Variants in KRAS observed in about 807,000 individuals in gnomAD.
The protein encoded by KRAS is GTPase KRas.
In KRAS, 1 loss-of-function variant was observed where a neutral mutation model predicts 21.0. That is an observed-to-expected ratio of 0.05 (90% CI 0.02 to 0.23). The LOEUF (loss-of-function observed/expected upper bound fraction) is 0.23, where lower values mean the gene tolerates loss of function less well. KRAS is among the 10% of genes least tolerant of loss of function. The pLI is 1.00. For missense variants in KRAS, 107 were observed against 221.8 expected (o/e 0.48, Z 3.29); for synonymous variants, 67 against 72.5 (o/e 0.92, Z 0.39).
At position 25,232,457 on chromosome 12, in the gene KRAS, A is replaced by C. The variant is rs191870784; in HGVS notation, c.112-5045T>G. The stretch of plus-strand genomic sequence containing the variant: ...TTTATTCTCTTTATATATTTTTTTA[A>C]ATTTACCACTCTGAGAAAGTACTGG... On this transcript the variant is annotated intron_variant, in intron 2 of 4. Transcript: ENST00000311936. Among the ~76,000 whole-genome samples the C allele has an allele frequency of 1.6e-3, 236 of 152,250 alleles. 1 individual carries two copies. Among genetic ancestry groups the C allele is most frequent in the African/African-American group, 5.1e-3 (210 of 41,554 alleles).
intron 4 of KRAS, among the ~76,000 whole-genome samples, chr12:25,220,442 A>G (rs1028850294): frequency 6.6e-6 from 1 of 152,250 alleles, no homozygotes; most frequent in Non-Finnish European, 1.5e-5. Context: ...TATCTTAAAA[A>G]GTACAGCTGG....
At chr12:25,220,261 C>T (rs1382957498) in intron 4 of KRAS, among the ~76,000 whole-genome samples, 2 of 152,176 alleles carry the variant, frequency 1.3e-5, no homozygotes, top group Non-Finnish European at 2.9e-5. Context: ...TCCTTATACA[C>T]TAGGAACATA....
intron 2 of KRAS, among the ~76,000 whole-genome samples, chr12:25,239,057 T>C (rs1020491169): frequency 1.3e-5 from 2 of 152,250 alleles, no homozygotes; most frequent in Non-Finnish European, 2.9e-5. Flanking sequence ...CTAGCAGTTA[T>C]CATTTTAACC....
intron 2 of KRAS, among the ~76,000 whole-genome samples, chr12:25,228,215 C>G (rs1350570075): frequency 3.1e-5 from 3 of 97,136 alleles, no homozygotes; most frequent in South Asian, 3.6e-4. Flanking sequence ...GAGATAGGGT[C>G]TTGTGTTGCT....
intron 4 of KRAS, among the ~76,000 whole-genome samples, chr12:25,217,691 TGA>T (rs1307624802): frequency 6.6e-6 from 1 of 152,106 alleles, no homozygotes; most frequent in Non-Finnish European, 1.5e-5. Context: ...ACCAGCACTT[TGA>T]GAGGGCAAGA....
chr12:25,220,324 GACTGA>G (rs1380219535), intron 4 of KRAS, among the ~76,000 whole-genome samples: 1 of 152,192 alleles, frequency 6.6e-6, no homozygotes, highest in East Asian at 1.9e-4. Context: ...TTCAGATATG[GACTGA>G]ACTGAGTGTA....
chr12:25,228,178 CTTTTTTTTTTT>C (rs34584556), intron 2 of KRAS, among the ~76,000 whole-genome samples: 25 of 76,778 alleles, frequency 3.3e-4, no homozygotes, highest in Non-Finnish European at 4.9e-4. Flanking sequence ...TTTCTTTCAT[CTTTTTTTTTTT>C]TTTTTTTTTT....
intron 4 of KRAS, chr12:25,225,286 T>TTATTTTTTTA (rs1486092988): frequency 3.8e-4 from 4 of 10,620 alleles, no homozygotes; most frequent in South Asian, 2.4e-3. Context: ...GCCCTGTTCT[T>TTATTTTTTTA]TATATATATA....
At chr12:25,233,640 T>G (rs61761152) in intron 2 of KRAS, among the ~76,000 whole-genome samples, 1 of 152,334 alleles carries the variant, frequency 6.6e-6, no homozygotes, top group Non-Finnish European at 1.5e-5. Flanking sequence ...TAGCATGTAT[T>G]ATAATTTGTA....
intron 2 of KRAS, chr12:25,235,123 T>C (rs1951527680): frequency 4.6e-6 from 2 of 438,496 alleles, no homozygotes; most frequent in Admixed American, 3.5e-5. Flanking sequence ...CTAGAACTGC[T>C]GAAAATGTCA....
chr12:25,224,586 AGTAAG>A (rs1328288894), intron 4 of KRAS, among the ~76,000 whole-genome samples: 1 of 152,190 alleles, frequency 6.6e-6, no homozygotes, highest in African/African-American at 2.4e-5. Context: ...GTTACAGTAA[AGTAAG>A]GTTAATTTAT....
At position 25,208,221 on chromosome 12, in the gene KRAS, T is replaced by C. The variant is rs900842783; in HGVS notation, c.*1574A>G. 4.7e-5 allele frequency: 11 copies of C among 232,550 alleles called. No homozygotes were observed. Among genetic ancestry groups the C allele is most frequent in the Admixed American group, 5.6e-5 (1 of 17,716 alleles). The allele number at this position is 232,550 out of a possible 1,614,324, so 14.4% of individuals were successfully genotyped here. A position where few individuals can be genotyped will look rare whatever the true frequency, so the allele number is the denominator to read the frequency against. Reference sequence around the variant, plus strand: ...ACTTCTTTTAACATGAAGAAATGGATAGTAAGTGATGTCCTCAAAATCAGA... The same window carrying C: ...ACTTCTTTTAACATGAAGAAATGGACAGTAAGTGATGTCCTCAAAATCAGA... On this transcript the variant is annotated 3_prime_UTR_variant, in exon 5 of 5. Transcript: ENST00000311936.
chr12:25,224,206 A>C (rs1432593485), intron 4 of KRAS, among the ~76,000 whole-genome samples: 1 of 151,230 alleles, frequency 6.6e-6, no homozygotes, highest in Non-Finnish European at 1.5e-5. Context: ...AAAAAAAAAA[A>C]AAAGTTAACT....
rs1176480188 is a variant in KRAS, at chr12:25,208,231, T to G, written c.*1564A>C. 1 of 233,222 alleles carries G rather than the reference T, an allele frequency of 4.3e-6. No homozygotes were observed. The highest frequency in any genetic ancestry group is 2.2e-5 in the African/African-American group (1 of 45,312). The allele number at this position is 233,222 out of a possible 1,614,324, so 14.4% of individuals were successfully genotyped here. Reference sequence around the variant, plus strand: ...ACATGAAGAAATGGATAGTAAGTGATGTCCTCAAAATCAGAGTCCTAAAAG... The same window carrying G: ...ACATGAAGAAATGGATAGTAAGTGAGGTCCTCAAAATCAGAGTCCTAAAAG... On this transcript the variant is annotated 3_prime_UTR_variant, in exon 5 of 5. Transcript: ENST00000311936.
chr12:25,219,812 G>A (rs557913670), intron 4 of KRAS, among the ~76,000 whole-genome samples: 2 of 152,266 alleles, frequency 1.3e-5, no homozygotes, highest in Non-Finnish European at 2.9e-5. Context: ...AAAAGCTATA[G>A]TTCAAAATAT....
intron 1 of KRAS, among the ~76,000 whole-genome samples, chr12:25,250,377 T>C (rs1469148258): frequency 1.3e-5 from 2 of 150,394 alleles, no homozygotes; most frequent in Non-Finnish European, 3.0e-5. Flanking sequence ...GCCGCGGGAG[T>C]AACCTCCACC....
intron 1 of KRAS, among the ~76,000 whole-genome samples, chr12:25,245,867 A>G (rs932772737): frequency 7.9e-5 from 12 of 152,318 alleles, no homozygotes; most frequent in Middle Eastern, 3.4e-3. Context: ...TTAGAAGTCA[A>G]TATGCAACAG....
At chr12:25,227,826 G>C (rs1246504525) in intron 2 of KRAS, among the ~76,000 whole-genome samples, 1 of 152,144 alleles carries the variant, frequency 6.6e-6, no homozygotes, top group Non-Finnish European at 1.5e-5. Flanking sequence ...ATTACCATAT[G>C]ATCAGCAATT....
chr12:25,221,940 A>G (rs1395024888), intron 4 of KRAS, among the ~76,000 whole-genome samples: 1 of 152,084 alleles, frequency 6.6e-6, no homozygotes, highest in Non-Finnish European at 1.5e-5. Context: ...CACGAGGTCA[A>G]GAGATCGAGA....
Sources: gnomAD v4.1 joint callset for allele counts (sites outside exome capture counted in the v4.1 genomes callset) on GRCh38, gnomAD v4.1.1 for gene constraint, MANE v1.5 for transcripts, NCBI Gene and HGNC (gene_info 2026-07-23, HGNC 2026-07-21) for gene names.